The following ZRANB3 variants were observed in gnomAD, a reference collection of about 807,000 sequenced individuals.
ZRANB3 encodes the protein zinc finger RANBP2-type containing 3, also known as DNA annealing helicase and endonuclease ZRANB3.
Under a neutral mutation model 133.8 loss-of-function variants are expected in ZRANB3, and 125 were observed. The ratio of observed to expected loss-of-function variants is 0.93; its 90% CI spans 0.81 to 1.08. The LOEUF (loss-of-function observed/expected upper bound fraction) is 1.08. Among genes scored for constraint, ZRANB3 ranks in the 50% least tolerant of loss-of-function variants. ZRANB3 has a pLI of 0.00. For synonymous variants in ZRANB3, 387 were observed against 432.7 expected, an observed-to-expected ratio of 0.89 and a Z score of 1.31; for missense variants, 1,229 against 1,275.5, an observed-to-expected ratio of 0.96 and a Z score of 0.56.
intron 2 of ZRANB3, among the ~76,000 whole-genome samples, chr2:135,463,581 C>T (rs904023234): frequency 6.6e-6 from 1 of 152,006 alleles, no homozygotes; most frequent in Non-Finnish European, 1.5e-5. Context: ...CCACGCCCGG[C>T]TAATTTTTTG....
intron 3 of ZRANB3, among the ~76,000 whole-genome samples, chr2:135,360,653 G>A (rs528004176): frequency 7.9e-5 from 12 of 152,168 alleles, no homozygotes; most frequent in African/African-American, 1.9e-4. Context: ...TGCAGTGAGC[G>A]GAGATTGTGC....
chr2:135,459,829 ATTAAT>A (rs1338557080), intron 2 of ZRANB3, among the ~76,000 whole-genome samples: 1 of 152,206 alleles, frequency 6.6e-6, no homozygotes, highest in African/African-American at 2.4e-5. Context: ...ATATATTTAT[ATTAAT>A]TTGACAGCAG....
intron 8 of ZRANB3, among the ~76,000 whole-genome samples, chr2:135,295,968 C>T (rs1467767137): frequency 6.6e-6 from 1 of 152,184 alleles, no homozygotes; most frequent in Non-Finnish European, 1.5e-5. Flanking sequence ...GATGGGCTTC[C>T]CTTTGTGAGT....
intron 8 of ZRANB3, among the ~76,000 whole-genome samples, chr2:135,284,564 C>T (rs953501630): frequency 1.1e-4 from 17 of 152,166 alleles, no homozygotes; most frequent in Admixed American, 3.3e-4. Context: ...CTCCGCCTCC[C>T]GGGTTCACGC....
chr2:135,354,431 A>G (rs1685340320), intron 3 of ZRANB3, among the ~76,000 whole-genome samples: 1 of 152,214 alleles, frequency 6.6e-6, no homozygotes. Flanking sequence ...CACTGTCACA[A>G]TGCCTGACTT....
rs566843576 is a variant in ZRANB3 at position 135,475,411 on chromosome 2, AACTC to A, written c.161+28914_161+28917del. 7.9e-5 allele frequency among the ~76,000 whole-genome samples: 12 copies of A among 152,316 alleles called. No individual in the cohort carries two copies. The South Asian group carries it at 2.5e-3, about 32-fold the overall frequency. On this transcript the variant is annotated intron_variant, in intron 2 of 20. Coordinates refer to ENST00000264159, the MANE Select transcript of ZRANB3 (RefSeq NM_032143.4). Reference sequence around the variant, plus strand: ...TCTATTCATAAATATGTAAATAACTAACTCACAATAATTAAATCTAAAGCTTCTT... The same window carrying A: ...TCTATTCATAAATATGTAAATAACTAACAATAATTAAATCTAAAGCTTCTT...
intron 1 of ZRANB3, among the ~76,000 whole-genome samples, chr2:135,510,213 A>G (rs921031702): frequency 6.6e-6 from 1 of 152,196 alleles, no homozygotes. Flanking sequence ...CGCAAGACAC[A>G]TTCCTTTGGG....
chr2:135,238,565 G>C (rs77223590), intron 12 of ZRANB3, among the ~76,000 whole-genome samples: 2 of 151,916 alleles, frequency 1.3e-5, no homozygotes, highest in African/African-American at 2.4e-5. Context: ...GGTTTCACCT[G>C]GTTGCCCAGG....
intron 4 of ZRANB3, among the ~76,000 whole-genome samples, chr2:135,350,593 A>C (rs961150263): frequency 6.6e-6 from 1 of 152,210 alleles, no homozygotes; most frequent in Admixed American, 6.5e-5. Context: ...CAGTTTTTCA[A>C]TCCAGATGCT....
chr2:135,381,890 G>A (rs1206948440), intron 3 of ZRANB3, among the ~76,000 whole-genome samples: 1 of 152,014 alleles, frequency 6.6e-6, no homozygotes, highest in East Asian at 1.9e-4. Context: ...ACAAAGATGG[G>A]GAAAAAACAG....
chr2:135,327,823 T>C (rs1683911747), intron 6 of ZRANB3, among the ~76,000 whole-genome samples: 1 of 152,172 alleles, frequency 6.6e-6, no homozygotes, highest in Non-Finnish European at 1.5e-5. Flanking sequence ...TAGTATCATA[T>C]ATAAAATATA....
intron 8 of ZRANB3, among the ~76,000 whole-genome samples, chr2:135,310,690 TGAAAAACCAAAG>T (rs1682928369): frequency 6.6e-6 from 1 of 151,922 alleles, no homozygotes; most frequent in Non-Finnish European, 1.5e-5. Context: ...ATTTTTCATA[TGAAAAACCAAAG>T]GACCTAGCAT....
chr2:135,403,915 C>T (rs1203056912), intron 2 of ZRANB3, among the ~76,000 whole-genome samples: 4 of 152,178 alleles, frequency 2.6e-5, no homozygotes, highest in Non-Finnish European at 2.9e-5. Flanking sequence ...GGAAAACTAA[C>T]AAACAGAAAG....
intron 2 of ZRANB3, among the ~76,000 whole-genome samples, chr2:135,414,962 G>C (rs1484835850): frequency 2.0e-5 from 3 of 152,016 alleles, no homozygotes; most frequent in Non-Finnish European, 4.4e-5. Flanking sequence ...GCAGTGTGTA[G>C]AGGGAAATTT....
intron 3 of ZRANB3, among the ~76,000 whole-genome samples, chr2:135,382,386 C>T (rs375973324): frequency 4.6e-5 from 7 of 152,116 alleles, no homozygotes; most frequent in African/African-American, 1.2e-4. Context: ...CTGAAAGTGA[C>T]GGGGCGAATG....
rs982795090 is a variant in ZRANB3 at position 135,408,972 on chromosome 2, A to T, written c.162-18152T>A. On this transcript the variant is annotated intron_variant, in intron 2 of 20. Coordinates refer to ENST00000264159, the MANE Select transcript of ZRANB3 (RefSeq NM_032143.4). ...AGATGTACCCTAGAACTTAGAGTAT[A>T]AAAAAAAAAGAAAAAGAAATGCCTG... 1.0e-3 allele frequency among the ~76,000 whole-genome samples: 152 copies of T among 149,364 alleles called. 1 individual carries two copies. Among genetic ancestry groups the T allele is most frequent in the African/African-American group, 3.5e-3 (142 of 40,710 alleles).
chr2:135,417,516 C>A (rs1344532888), intron 2 of ZRANB3, among the ~76,000 whole-genome samples: 2 of 152,184 alleles, frequency 1.3e-5, no homozygotes, highest in African/African-American at 4.8e-5. Flanking sequence ...GTTGGTGGGA[C>A]TGTAAACTAG....
intron 2 of ZRANB3, among the ~76,000 whole-genome samples, chr2:135,431,545 A>G (rs1324669297): frequency 6.6e-6 from 1 of 152,134 alleles, no homozygotes; most frequent in East Asian, 1.9e-4. Context: ...GGCTGGGAGA[A>G]GATATAATAG....
chr2:135,398,156 C>T (rs1230956568), intron 2 of ZRANB3, among the ~76,000 whole-genome samples: 1 of 151,946 alleles, frequency 6.6e-6, no homozygotes, highest in South Asian at 2.1e-4. Flanking sequence ...AGCTCTGCCT[C>T]CCGGGTTCAC....
Sources: gnomAD v4.1 joint callset for allele counts (sites outside exome capture counted in the v4.1 genomes callset) on GRCh38, gnomAD v4.1.1 for gene constraint, MANE v1.5 for transcripts, NCBI Gene and HGNC (gene_info 2026-07-23, HGNC 2026-07-21) for gene names.